PCCB: variants seen among roughly 807,000 people sequenced by gnomAD.
PCCB encodes propionyl-CoA carboxylase beta chain, mitochondrial.
PCCB carries 43 observed loss-of-function variants against 60.7 expected under a neutral mutation model. The observed-to-expected ratio is 0.71, with a 90% confidence interval of 0.55 to 0.91. The LOEUF (loss-of-function observed/expected upper bound fraction) is 0.91. PCCB is among the 40% of genes least tolerant of loss of function. PCCB has a pLI of 0.00. For synonymous variants in PCCB, 276 were observed against 255.9 expected (o/e 1.08, Z -0.75); for missense variants, 766 against 702.8 (o/e 1.09, Z -1.02).
rs566948936 is a variant in PCCB, at chr3:136,303,527, T to G, written c.966+2416T>G. On this transcript the variant is annotated intron_variant, in intron 9 of 14. Coordinates refer to ENST00000251654, the MANE Select transcript of PCCB (RefSeq NM_000532.5). ...TTTCTGCATTGATATTATGTGATAC[T>G]AGTGCGTATATTTTAAGGTATTTTA... 8.1e-4 allele frequency among the ~76,000 whole-genome samples: 100 copies of G among 122,794 alleles called. 8 individuals carry two copies. The highest frequency in any genetic ancestry group is 2.4e-3 in the African/African-American group (98 of 40,234). The allele number at this position is 122,794 out of a possible 152,430, so 80.6% of individuals were successfully genotyped here.
At position 136,260,533 on chromosome 3, in the gene PCCB, A is replaced by C. The variant is rs2108144496; in HGVS notation, c.427A>C (p.Lys143Gln). ...AGGAGCACATGCCCAAAAGATCTGC[A>C]AAGTAAGTGTTTAATACTCAAATTC... ...LSGAHAQKIC[K>Q]IMDQAITVGA... Residue 143 changes from lysine to glutamine, a missense_variant and splice_region_variant, in exon 4 of 15, where the codon AAA (lysine) becomes CAA (glutamine). Transcript: ENST00000251654. The C allele has an allele frequency of 6.2e-7, 1 of 1,611,552 alleles. No individual in the cohort carries two copies. The highest frequency in any genetic ancestry group is 8.5e-7 in the Non-Finnish European group (1 of 1,177,750).
chr3:136,300,964 C>A, intron 8 of PCCB, 66 bp from the exon 9 acceptor site: 1 of 1,202,614 alleles, frequency 8.3e-7, no homozygotes, highest in South Asian at 1.2e-5. Context: ...CCTTTCCCAC[C>A]CCATTCCCAC....
In PCCB at chr3:136,290,559, CTG is replaced by C. The variant is rs1933629202; in HGVS notation, c.655-3193_655-3192del. Among the ~76,000 whole-genome samples, 5 of 150,696 alleles carry C rather than the reference CTG, an allele frequency of 3.3e-5. No homozygotes were observed. In the South Asian group the frequency reaches 1.0e-3, roughly 32 times the overall value. ...TGTTTTTTTAGAGATGGGGGTCTCCCTGTGTTTCCCAGGCTGGTTCAAACTCC... is the reference window on the plus strand; with the variant it reads ...TGTTTTTTTAGAGATGGGGGTCTCCCTGTTTCCCAGGCTGGTTCAAACTCC... On this transcript the variant is annotated intron_variant, in intron 6 of 14. Transcript: ENST00000251654.
intron 10 of PCCB, 90 bp downstream of exon 10, chr3:136,317,154 T>G: frequency 7.6e-7 from 1 of 1,309,226 alleles, no homozygotes; most frequent in East Asian, 2.4e-5. Context: ...TTGCCTGTTC[T>G]TCAGACATGG....
At chr3:136,255,628 A>G (rs565445262) in intron 1 of PCCB, 61 of 563,600 alleles carry the variant, frequency 1.1e-4, no homozygotes, top group South Asian at 1.8e-4. Context: ...TTCCTTATTC[A>G]TCTTCCACAG....
At chr3:136,260,114 C>T (rs947160449) in intron 3 of PCCB, 7 of 371,080 alleles carry the variant, frequency 1.9e-5, no homozygotes, top group African/African-American at 1.3e-4. Flanking sequence ...TGCTCTGTTG[C>T]ATAGGCTGGA....
chr3:136,284,190 G>A (rs950300907), intron 6 of PCCB, among the ~76,000 whole-genome samples: 4 of 152,158 alleles, frequency 2.6e-5, no homozygotes, highest in Admixed American at 6.5e-5. Context: ...GATCTGAATT[G>A]CAAATGATTT....
chr3:136,327,233 A>G lies in PCCB; in HGVS notation c.1277A>G (p.Lys426Arg), dbSNP rs773509035. The change falls in exon 12 of 15, where the codon AAA becomes AGA. Residue 426 changes from lysine (K) to arginine (R), a missense_variant. Lys to Arg is a conservative substitution (Grantham distance 26, BLOSUM62 2). Transcript: ENST00000251654. The stretch of plus-strand genomic sequence containing the variant: ...GCATTTGCTGAGGCAACTGTACCCA[A>G]AGTCACAGTCATCACCAGGAAGGTG... ...LYAFAEATVP[K>R]VTVITRKAYG... 1.9e-6 allele frequency: 3 copies of G among 1,613,878 alleles called. No homozygotes were observed. The highest frequency in any genetic ancestry group is 2.2e-5 in the East Asian group (1 of 44,878).
At chr3:136,326,162 G>A (rs929559494) in intron 10 of PCCB, among the ~76,000 whole-genome samples, 2 of 152,086 alleles carry the variant, frequency 1.3e-5, no homozygotes, top group Non-Finnish European at 2.9e-5. Flanking sequence ...TACTTAAAAA[G>A]TAAAAATTTT....
chr3:136,291,395 T>A (rs1025373820), intron 6 of PCCB, among the ~76,000 whole-genome samples: 1 of 152,222 alleles, frequency 6.6e-6, no homozygotes, highest in Non-Finnish European at 1.5e-5. Context: ...TTAGTGTGTC[T>A]TATGACTTAT....
intron 1 of PCCB, 116 bp downstream of exon 1, chr3:136,250,674 C>T (rs1243440545): frequency 9.4e-7 from 1 of 1,061,044 alleles, no homozygotes; most frequent in Non-Finnish European, 1.4e-6. Context: ...CTGGAGGGGC[C>T]GGAGCAAGGG....
Position 136,273,597 on chromosome 3 carries a change from C to CTTTTTTTTTTTTTTTT in PCCB, c.544-10233_544-10218dup. ...TTCTTTCTTTTTTTTTTTCTTTTTT[C>CTTTTTTTTTTTTTTTT]TTTTTTTTTTTTTTTTTTTTTTACT... On this transcript the variant is annotated intron_variant, in intron 5 of 14. Coordinates refer to ENST00000251654, the MANE Select transcript of PCCB (RefSeq NM_000532.5). Among the ~76,000 whole-genome samples, 272 of 45,194 alleles carry CTTTTTTTTTTTTTTTT rather than the reference C, an allele frequency of 6.0e-3. 1 individual carries two copies. Among genetic ancestry groups the CTTTTTTTTTTTTTTTT allele is most frequent in the Non-Finnish European group, 7.7e-3 (186 of 24,030 alleles). The allele number at this position is 45,194 out of a possible 152,430, so 29.6% of individuals were successfully genotyped here.
At chr3:136,254,777 C>G (rs543948202) in intron 1 of PCCB, among the ~76,000 whole-genome samples, 41 of 146,642 alleles carry the variant, frequency 2.8e-4, no homozygotes, top group Admixed American at 1.2e-3. Flanking sequence ...AAGCGATGCT[C>G]GTCTCAGCCT....
chr3:136,297,668 A>G (rs1319119503), intron 7 of PCCB, among the ~76,000 whole-genome samples: 2 of 152,118 alleles, frequency 1.3e-5, no homozygotes, highest in East Asian at 1.9e-4. Flanking sequence ...AGGATCTGGG[A>G]GTGGGTATGG....
Position 136,327,646 on chromosome 3 carries a change from G to T in PCCB, c.1312G>T (p.Ala438Ser), listed in dbSNP as rs752758930. ...TVITRKAYGG[A>S]YDVMSSKHLC... ...GGATCTGTTTTAGGCCTATGGAGGT[G>T]CCTATGATGTCATGAGCTCTAAGCA... Residue 438 changes from alanine (A) to serine (S), a missense_variant, in exon 13 of 15, where the codon GCC becomes TCC. Ala to Ser is a moderately conservative substitution (Grantham distance 99, BLOSUM62 1). Transcript: ENST00000251654. 19 of 1,613,284 alleles carry T rather than the reference G, an allele frequency of 1.2e-5. No individual in the cohort carries two copies. The highest frequency in any genetic ancestry group is 1.4e-5 in the Non-Finnish European group (17 of 1,179,348).
At chr3:136,292,740 T>C (rs182359277) in intron 6 of PCCB, among the ~76,000 whole-genome samples, 78 of 151,806 alleles carry the variant, frequency 5.1e-4, no homozygotes, top group African/African-American at 1.8e-3. Flanking sequence ...TGTTAGATAA[T>C]GTTTGTGTTA....
rs2108197039 is a variant in PCCB at position 136,293,657 on chromosome 3, C to A, written c.655-99C>A. On this transcript the variant is annotated intron_variant, in intron 6 of 14. Coordinates refer to ENST00000251654, the MANE Select transcript of PCCB (RefSeq NM_000532.5). ...ATCCTATCCTCATTCAGCCACGTCA[C>A]TATCTTCTCTGCATTTGTCATCTTG... 4 of 816,690 alleles carry A rather than the reference C, an allele frequency of 4.9e-6. No individual in the cohort carries two copies. The South Asian group carries it at 5.3e-5, about 11-fold the overall frequency. The allele number at this position is 816,690 out of a possible 1,614,324, so 50.6% of individuals were successfully genotyped here.
intron 5 of PCCB, among the ~76,000 whole-genome samples, chr3:136,276,730 C>A (rs911683088): frequency 6.6e-6 from 1 of 152,192 alleles, no homozygotes; most frequent in African/African-American, 2.4e-5. Flanking sequence ...AGAGAAGATA[C>A]CTTCTCCAGG....
chr3:136,293,652 C>T (rs949878960), intron 6 of PCCB, 104 bp from the exon 7 acceptor site: 5 of 802,850 alleles, frequency 6.2e-6, no homozygotes, highest in Admixed American at 1.7e-5. Context: ...CATTCAGCCA[C>T]GTCACTATCT....
Sources: allele counts gnomAD v4.1 joint callset (sites outside exome capture counted in the v4.1 genomes callset), GRCh38; gene constraint gnomAD v4.1.1; transcripts MANE v1.5; gene names NCBI Gene and HGNC (gene_info 2026-07-23, HGNC 2026-07-21).